The following HIPK2 variants were observed in gnomAD, a reference collection of about 807,000 sequenced individuals.
HIPK2 encodes the protein homeodomain interacting protein kinase 2, also known as homeodomain-interacting protein kinase 2.
A neutral mutation model predicts 113.7 loss-of-function variants in HIPK2; 27 were observed. The ratio of observed to expected loss-of-function variants is 0.24; its 90% CI spans 0.17 to 0.33. The LOEUF is 0.33. Among genes scored for constraint, HIPK2 ranks in the 10% least tolerant of loss-of-function variants. HIPK2 has a pLI of 1.00. For missense variants in HIPK2, 1,257 were observed against 1,588.0 expected (o/e 0.79, Z 3.54); for synonymous variants, 631 against 642.2 (o/e 0.98, Z 0.26).
chr7:139,620,688 A>C, intron 6 of HIPK2, 125 bp from the exon 7 acceptor site: 2 of 1,274,192 alleles, frequency 1.6e-6, no homozygotes, highest in Non-Finnish European at 2.2e-6. Context: ...ACAAGCAGGG[A>C]AACTAAACTT....
chr7:139,646,801 G>A (rs1801248540), intron 2 of HIPK2, among the ~76,000 whole-genome samples: 1 of 152,138 alleles, frequency 6.6e-6, no homozygotes, highest in African/African-American at 2.4e-5. Flanking sequence ...AAGAAAGGAA[G>A]GCAGGAGGAA....
At chr7:139,682,359 T>C (rs1301920780) in intron 2 of HIPK2, among the ~76,000 whole-genome samples, 1 of 152,070 alleles carries the variant, frequency 6.6e-6, no homozygotes, top group Non-Finnish European at 1.5e-5. Context: ...AAGAAACTCA[T>C]CCATGAGCAG....
chr7:139,743,146 G>C (rs749470857), intron 1 of HIPK2, among the ~76,000 whole-genome samples: 1 of 152,182 alleles, frequency 6.6e-6, no homozygotes, highest in Non-Finnish European at 1.5e-5. Flanking sequence ...TGTTGGGGAG[G>C]AACAGGGGAC....
At chr7:139,635,006 A>T (rs376770847) in intron 2 of HIPK2, among the ~76,000 whole-genome samples, 10 of 152,308 alleles carry the variant, frequency 6.6e-5, no homozygotes, top group African/African-American at 1.9e-4. Flanking sequence ...TGAAAAGAAC[A>T]CTACCAAAAA....
chr7:139,771,965 T>C (rs745475921), intron 1 of HIPK2, among the ~76,000 whole-genome samples: 1 of 152,240 alleles, frequency 6.6e-6, no homozygotes, highest in African/African-American at 2.4e-5. Flanking sequence ...AATAGAATAC[T>C]GGAATTGGTC....
At chr7:139,729,089 C>A (rs140508694) in intron 1 of HIPK2, among the ~76,000 whole-genome samples, 1 of 152,036 alleles carries the variant, frequency 6.6e-6, no homozygotes, top group Non-Finnish European at 1.5e-5. Context: ...TTTGGGAGGC[C>A]GCGATGGGTG....
rs1796112158 is a variant in HIPK2 at position 139,742,074 on chromosome 7, C to T, written c.20-25059G>A. On this transcript the variant is annotated intron_variant, in intron 1 of 14. Coordinates refer to ENST00000406875, the MANE Select transcript of HIPK2 (RefSeq NM_022740.5). Reference sequence around the variant, plus strand: ...ACACATGTCAGTATGACCCTAATGCCTTTACATTTTCCATTAGGAATGTAA... The same window carrying T: ...ACACATGTCAGTATGACCCTAATGCTTTTACATTTTCCATTAGGAATGTAA... Among the ~76,000 whole-genome samples the T allele has an allele frequency of 2.6e-5, 4 of 152,298 alleles. No homozygotes were observed. In the South Asian group the frequency reaches 8.3e-4, roughly 32 times the overall value.
intron 2 of HIPK2, among the ~76,000 whole-genome samples, chr7:139,671,531 T>C (rs907750461): frequency 1.1e-4 from 16 of 152,188 alleles, no homozygotes; most frequent in African/African-American, 3.6e-4. Context: ...ATTAGACTCA[T>C]TGGTAGTACT....
rs538865189 is a variant in HIPK2, at chr7:139,692,840, G to T, written c.1103+23092C>A. On this transcript the variant is annotated intron_variant, in intron 2 of 14. Transcript: ENST00000406875. ...CCCATCCTAGGCAGGGAAGAAGTAC[G>T]GCTCTAAATTTCAGGAGCCAAGGGC... Among the ~76,000 whole-genome samples the T allele has an allele frequency of 4.6e-5, 7 of 152,332 alleles. 1 individual carries two copies. Among genetic ancestry groups the T allele is most frequent in the Admixed American group, 4.6e-4 (7 of 15,310 alleles).
Position 139,701,506 on chromosome 7 carries a change from CT to C in HIPK2, c.1103+14425del, listed in dbSNP as rs1262066293. 7.7e-3 allele frequency among the ~76,000 whole-genome samples: 1,179 copies of C among 152,274 alleles called. 40 individuals are homozygous for C. Among genetic ancestry groups the C allele is most frequent in the Admixed American group, 0.066 (1,014 of 15,296 alleles). On this transcript the variant is annotated intron_variant, in intron 2 of 14. Coordinates refer to ENST00000406875, the MANE Select transcript of HIPK2 (RefSeq NM_022740.5). ...AAGTCATGTCGGAGAGGTGGTGAGA[CT>C]TAGCCCAACTCACATAGCTGGCGGG...
chr7:139,636,230 A>G (rs903566097), intron 2 of HIPK2, among the ~76,000 whole-genome samples: 15 of 151,468 alleles, frequency 9.9e-5, no homozygotes, highest in Admixed American at 6.6e-4. Flanking sequence ...CTTGCTCCCC[A>G]TATCTGTCCC....
Position 139,600,432 on chromosome 7 carries a change from T to A in HIPK2, c.2420A>T (p.His807Leu). The change falls in exon 11 of 15, where the codon CAC becomes CTC. Residue 807 changes from histidine to leucine, a missense_variant. His to Leu is a moderately conservative substitution (Grantham distance 99). Around this residue, in one of 5 missense-constraint regions of HIPK2, gnomAD observed 862 missense variants for 1,004.3 expected, o/e 0.86. Transcript: ENST00000406875. ...STTSSRKSKQ[H>L]QSSVRNVSTC... ...CACCACCTACCTCACAGATGACTGG[T>A]GCTGCTTACTCTTCCGGGAGGAGGT... is the stretch of plus-strand genomic sequence containing the variant. 2 of 1,613,414 alleles carry A rather than the reference T, an allele frequency of 1.2e-6. No individual in the cohort carries two copies. The highest frequency in any genetic ancestry group is 2.2e-5 in the South Asian group (2 of 91,040).
chr7:139,672,925 A>T lies in HIPK2; in HGVS notation c.1104-41200T>A, dbSNP rs565422903. On this transcript the variant is annotated intron_variant, in intron 2 of 14. Transcript: ENST00000406875. ...CTATTCTCAGTCATGGTATGACTCA[A>T]TGTTTTAGAACTTAGTATCCTCCTT... Among the ~76,000 whole-genome samples the T allele has an allele frequency of 3.3e-5, 5 of 152,316 alleles. No individual in the cohort carries two copies. The South Asian group carries it at 8.3e-4, about 25-fold the overall frequency.
chr7:139,596,603 T>C (rs73156839), intron 12 of HIPK2, 114 bp downstream of exon 12: 20,760 of 1,413,620 alleles, frequency 0.015, 175 homozygotes, highest in Middle Eastern at 0.028. Flanking sequence ...AAAACCAAAC[T>C]GTAAGGGTCA....
chr7:139,649,218 C>T (rs1801363384), intron 2 of HIPK2, among the ~76,000 whole-genome samples: 1 of 152,112 alleles, frequency 6.6e-6, no homozygotes, highest in Non-Finnish European at 1.5e-5. Context: ...TTCCACCTCC[C>T]CACACCCTGA....
intron 1 of HIPK2, among the ~76,000 whole-genome samples, chr7:139,756,813 G>A (rs1411992386): frequency 2.0e-5 from 3 of 152,192 alleles, no homozygotes; most frequent in African/African-American, 4.8e-5. Context: ...CTGCTCTCAC[G>A]CATGCATCAA....
chr7:139,591,969 A>G (rs955921889), intron 12 of HIPK2, among the ~76,000 whole-genome samples: 1 of 152,272 alleles, frequency 6.6e-6, no homozygotes, highest in Non-Finnish European at 1.5e-5. Flanking sequence ...CCATGCAATA[A>G]TAAATGAGTG....
At chr7:139,745,712 C>A (rs1796178830) in intron 1 of HIPK2, among the ~76,000 whole-genome samples, 1 of 152,268 alleles carries the variant, frequency 6.6e-6, no homozygotes, top group African/African-American at 2.4e-5. Context: ...ACCTTCCACA[C>A]CCCCCTCACC....
In HIPK2 at chr7:139,668,486, C is replaced by T. The variant is rs189295805; in HGVS notation, c.1104-36761G>A. Among the ~76,000 whole-genome samples, 260 of 150,272 alleles carry T rather than the reference C, an allele frequency of 1.7e-3. 1 individual carries two copies. The highest frequency in any genetic ancestry group is 2.9e-3 in the Non-Finnish European group (193 of 67,694). On this transcript the variant is annotated intron_variant, in intron 2 of 14. Transcript: ENST00000406875. ...CTGAGGCAGGAGAATGGCGTGAACC[C>T]GGGAGGCAGAGCTTGCAGTGAGCAA...
Sources: allele counts gnomAD v4.1 joint callset (sites outside exome capture counted in the v4.1 genomes callset), GRCh38; gene constraint gnomAD v4.1.1; regional missense constraint gnomAD v4.1.1; transcripts MANE v1.5; gene names NCBI Gene and HGNC (gene_info 2026-07-23, HGNC 2026-07-21).